Variants in LYPD6B observed in about 807,000 individuals in gnomAD.
LYPD6B encodes the protein LY6/PLAUR domain containing 6B, also known as ly6/PLAUR domain-containing protein 6B.
LYPD6B carries 17 observed loss-of-function variants against 22.8 expected under a neutral mutation model. That is an observed-to-expected ratio of 0.75 (90% confidence interval 0.51 to 1.12). The LOEUF is 1.12. Among genes scored for constraint, LYPD6B ranks in the 50% most tolerant of loss-of-function variants. The probability of loss-of-function intolerance (pLI) is 0.00; values close to 1 mark genes in which losing one functional copy is unlikely to be tolerated. For missense variants in LYPD6B, 221 were observed against 258.3 expected, an observed-to-expected ratio of 0.86 and a Z score of 0.99; for synonymous variants, 106 against 91.6, an observed-to-expected ratio of 1.16 and a Z score of -0.90.
chr2:149,138,127 T>C (rs114722933), intron 2 of LYPD6B, among the ~76,000 whole-genome samples: 1 of 152,234 alleles, frequency 6.6e-6, no homozygotes, highest in Non-Finnish European at 1.5e-5. Context: ...TCAATGAAAT[T>C]ACTTTTTTAA....
rs1694111806 is a variant in LYPD6B, at chr2:149,215,209, A to G, written c.*499A>G. 1 of 154,656 alleles carries G rather than the reference A, an allele frequency of 6.5e-6. No homozygotes were observed. Among genetic ancestry groups the G allele is most frequent in the South Asian group, 2.0e-4 (1 of 4,960 alleles). 9.6% of individuals were successfully genotyped at this position (154,656 alleles called of 1,614,324 possible). On this transcript the variant is annotated 3_prime_UTR_variant, in exon 7 of 7. Coordinates refer to ENST00000409642, the MANE Select transcript of LYPD6B (RefSeq NM_177964.5). ...AAAACTTCCAGTGGAACTAATATGAAATCTATTTGCAAATTATGGGGGGAA... is the reference window on the plus strand; with the variant it reads ...AAAACTTCCAGTGGAACTAATATGAGATCTATTTGCAAATTATGGGGGGAA...
intron 5 of LYPD6B, among the ~76,000 whole-genome samples, chr2:149,209,308 C>A (rs954245101): frequency 6.6e-6 from 1 of 151,976 alleles, no homozygotes; most frequent in South Asian, 2.1e-4. Flanking sequence ...TGAGGACTCT[C>A]ATCTTCAGAC....
chr2:149,137,233 A>C (rs1688421209), intron 2 of LYPD6B, among the ~76,000 whole-genome samples: 1 of 152,206 alleles, frequency 6.6e-6, no homozygotes, highest in African/African-American at 2.4e-5. Flanking sequence ...AAGATCATGC[A>C]GTTAGTGTAT....
chr2:149,077,385 T>C (rs1023641345), intron 1 of LYPD6B: 25 of 152,258 alleles, frequency 1.6e-4, no homozygotes, highest in African/African-American at 5.5e-4. Context: ...ATTGATTAAC[T>C]CTGCAAATAT....
intron 3 of LYPD6B, among the ~76,000 whole-genome samples, chr2:149,180,745 G>C (rs1431133904): frequency 6.6e-6 from 1 of 152,214 alleles, no homozygotes; most frequent in East Asian, 1.9e-4. Context: ...GTGCTGTCCT[G>C]GTTAGGACAT....
At chr2:149,054,874 A>AT (rs1401931918) in intron 1 of LYPD6B, among the ~76,000 whole-genome samples, 7 of 104,870 alleles carry the variant, frequency 6.7e-5, no homozygotes, top group African/African-American at 2.1e-4. Flanking sequence ...GTGATACCCT[A>AT]TTTAAAAAAA....
chr2:149,116,211 T>C (rs1686999916), intron 1 of LYPD6B, among the ~76,000 whole-genome samples: 1 of 152,248 alleles, frequency 6.6e-6, no homozygotes, highest in Non-Finnish European at 1.5e-5. Context: ...TAATTATTGC[T>C]TTAAATATTT....
chr2:149,158,404 A>G (rs1279703620), intron 2 of LYPD6B, among the ~76,000 whole-genome samples: 1 of 152,238 alleles, frequency 6.6e-6, no homozygotes, highest in Non-Finnish European at 1.5e-5. Context: ...TGTTAAGTAA[A>G]ATAAGCCAGA....
At chr2:149,055,156 T>G (rs1236096693) in intron 1 of LYPD6B, among the ~76,000 whole-genome samples, 1 of 152,234 alleles carries the variant, frequency 6.6e-6, no homozygotes, top group African/African-American at 2.4e-5. Flanking sequence ...GTGTTCTTTC[T>G]GCCATTGAAT....
chr2:149,095,884 T>G, intron 1 of LYPD6B, among the ~76,000 whole-genome samples: 1 of 148,330 alleles, frequency 6.7e-6, no homozygotes, highest in South Asian at 2.2e-4. Context: ...GACAGAGAGA[T>G]GGGAGACAGA....
At position 149,173,308 on chromosome 2, in the gene LYPD6B, A is replaced by G. The variant is rs138481491; in HGVS notation, c.77+12473A>G. Reference sequence around the variant, plus strand: ...TATTTGAACCATAAGTTTATATTTAACATCTTGTTGATTTCAGCTTGATGC... The same window carrying G: ...TATTTGAACCATAAGTTTATATTTAGCATCTTGTTGATTTCAGCTTGATGC... On this transcript the variant is annotated intron_variant, in intron 3 of 6. Coordinates refer to ENST00000409642, the MANE Select transcript of LYPD6B (RefSeq NM_177964.5). Among the ~76,000 whole-genome samples the G allele has an allele frequency of 2.1e-5, 3 of 140,814 alleles. No homozygotes were observed. The East Asian group carries it at 6.3e-4, about 30-fold the overall frequency. The allele number at this position is 140,814 out of a possible 152,430, so 92.4% of individuals were successfully genotyped here. A position where few individuals can be genotyped will look rare whatever the true frequency, so the allele number is the denominator to read the frequency against.
At chr2:149,095,360 G>T (rs1685856361) in intron 1 of LYPD6B, among the ~76,000 whole-genome samples, 3 of 152,274 alleles carry the variant, frequency 2.0e-5, no homozygotes, top group Admixed American at 2.0e-4. Context: ...AGGGTAGTAT[G>T]CAGTCCATCC....
At chr2:149,192,429 T>G (rs1384667423) in intron 3 of LYPD6B, among the ~76,000 whole-genome samples, 1 of 151,718 alleles carries the variant, frequency 6.6e-6, no homozygotes, top group East Asian at 1.9e-4. Flanking sequence ...CTTTTTTTTT[T>G]TTTTTTTTAA....
chr2:149,189,844 T>A (rs555350103), intron 3 of LYPD6B, among the ~76,000 whole-genome samples: 1 of 152,292 alleles, frequency 6.6e-6, no homozygotes, highest in African/African-American at 2.4e-5. Context: ...CACCTCCAAA[T>A]GATGCATTTC....
intron 5 of LYPD6B, among the ~76,000 whole-genome samples, chr2:149,211,203 A>G (rs1693830560): frequency 6.6e-6 from 1 of 151,882 alleles, no homozygotes; most frequent in African/African-American, 2.4e-5. Flanking sequence ...TGAAGGATCC[A>G]CCCCCATGAT....
intron 2 of LYPD6B, among the ~76,000 whole-genome samples, chr2:149,147,400 TTTAAA>T (rs543167421): frequency 8.7e-4 from 133 of 152,348 alleles, no homozygotes; most frequent in Middle Eastern, 3.4e-3. Flanking sequence ...TTGAAAGGAA[TTTAAA>T]TTAATTCTTA....
chr2:149,213,266 C>A, intron 6 of LYPD6B, 144 bp downstream of exon 6: 3 of 1,104,452 alleles, frequency 2.7e-6, no homozygotes, highest in Non-Finnish European at 2.6e-6. Flanking sequence ...AAAATGGAGA[C>A]CAAAGAACAG....
intron 3 of LYPD6B, among the ~76,000 whole-genome samples, chr2:149,169,735 A>G (rs567918948): frequency 1.3e-5 from 2 of 152,320 alleles, no homozygotes; most frequent in South Asian, 4.1e-4. Flanking sequence ...TGAAATGCAG[A>G]CTTTAAATAC....
intron 1 of LYPD6B, among the ~76,000 whole-genome samples, chr2:149,112,033 G>T (rs992667748): frequency 6.6e-6 from 1 of 152,218 alleles, no homozygotes; most frequent in Non-Finnish European, 1.5e-5. Context: ...ACCTTGACAA[G>T]GGCAGTCCGG....
Sources: gnomAD v4.1 joint callset for allele counts (sites outside exome capture counted in the v4.1 genomes callset) on GRCh38, gnomAD v4.1.1 for gene constraint, MANE v1.5 for transcripts, NCBI Gene and HGNC (gene_info 2026-07-23, HGNC 2026-07-21) for gene names.